Variants in PELI2 observed in about 807,000 individuals in gnomAD.
PELI2 encodes pellino E3 ubiquitin protein ligase family member 2.
A neutral mutation model predicts 42.3 loss-of-function variants in PELI2; 23 were observed. The ratio of observed to expected loss-of-function variants is 0.54; its 90% CI spans 0.39 to 0.77. The LOEUF is 0.77. Ranked by LOEUF, PELI2 falls within the 30% of genes least tolerant of loss-of-function variation. The pLI, the probability that PELI2 is intolerant of heterozygous loss-of-function variation, is 0.00. For missense variants in PELI2, 463 were observed against 553.2 expected, an observed-to-expected ratio of 0.84 and a Z score of 1.64; for synonymous variants, 245 against 212.2, an observed-to-expected ratio of 1.15 and a Z score of -1.34.
At chr14:56,125,280 G>A (rs1004636322) in intron 1 of PELI2, among the ~76,000 whole-genome samples, 1 of 152,118 alleles carries the variant, frequency 6.6e-6, no homozygotes, top group South Asian at 2.1e-4. Flanking sequence ...ACAGACAGCT[G>A]CCCTTCCTGC....
At chr14:56,135,868 A>G (rs1883671438) in intron 1 of PELI2, among the ~76,000 whole-genome samples, 1 of 152,232 alleles carries the variant, frequency 6.6e-6, no homozygotes, top group Non-Finnish European at 1.5e-5. Context: ...TTTTAGGTTA[A>G]CTGATGATTA....
Position 56,178,477 on chromosome 14 carries a change from G to A in PELI2, c.207+13G>A, listed in dbSNP as rs1472090634. 1 of 1,614,034 alleles carries A rather than the reference G, an allele frequency of 6.2e-7. No individual in the cohort carries two copies. The highest frequency in any genetic ancestry group is 1.7e-5 in the Admixed American group (1 of 60,018). The stretch of plus-strand genomic sequence containing the variant: ...CCAGGCATCCAAGGTAGGTGGGTCT[G>A]TCAAGAGTTGGGAGGGTGCTGGCAA... On this transcript the variant is annotated intron_variant, in intron 2 of 5. Coordinates refer to ENST00000267460, the MANE Select transcript of PELI2 (RefSeq NM_021255.3).
chr14:56,153,746 T>C (rs1884451077), intron 1 of PELI2, among the ~76,000 whole-genome samples: 1 of 152,220 alleles, frequency 6.6e-6, no homozygotes, highest in Non-Finnish European at 1.5e-5. Context: ...CCCAACTGTT[T>C]TGTATATTTA....
At chr14:56,266,680 T>A (rs1888917494) in intron 2 of PELI2, among the ~76,000 whole-genome samples, 1 of 152,020 alleles carries the variant, frequency 6.6e-6, no homozygotes, top group Non-Finnish European at 1.5e-5. Flanking sequence ...AGTTTGACAA[T>A]AACTATCAAT....
At chr14:56,251,620 T>C (rs1888347006) in intron 2 of PELI2, among the ~76,000 whole-genome samples, 1 of 152,204 alleles carries the variant, frequency 6.6e-6, no homozygotes, top group Non-Finnish European at 1.5e-5. Context: ...GAGCCCCTGT[T>C]TGATTCCACA....
chr14:56,215,372 C>T (rs974867138), intron 2 of PELI2, among the ~76,000 whole-genome samples: 6 of 152,136 alleles, frequency 3.9e-5, no homozygotes, highest in East Asian at 1.9e-4. Flanking sequence ...CAGGAAAGCC[C>T]GCCGGGGGAG....
At chr14:56,234,096 AAAC>A (rs1418559222) in intron 2 of PELI2, among the ~76,000 whole-genome samples, 3 of 152,184 alleles carry the variant, frequency 2.0e-5, no homozygotes, top group African/African-American at 7.2e-5. Context: ...AAAAGTCAGG[AAAC>A]AACAGGTGCT....
intron 2 of PELI2, among the ~76,000 whole-genome samples, chr14:56,211,243 C>T (rs773926195): frequency 1.4e-5 from 2 of 143,986 alleles, no homozygotes; most frequent in African/African-American, 4.9e-5. Context: ...CTGTGAATGC[C>T]CCAATTGCAC....
At position 56,159,096 on chromosome 14, in the gene PELI2, C is replaced by G. The variant is rs1884667466; in HGVS notation, c.78-19239C>G. Among the ~76,000 whole-genome samples, 3 of 152,310 alleles carry G rather than the reference C, an allele frequency of 2.0e-5. No homozygotes were observed. The South Asian group carries it at 6.2e-4, about 32-fold the overall frequency. On this transcript the variant is annotated intron_variant, in intron 1 of 5. Coordinates refer to ENST00000267460, the MANE Select transcript of PELI2 (RefSeq NM_021255.3). ...CAGTCTTTAGATACAGAGGAAGCTG[C>G]TTAAGTTAATTTGCATGTGAAACAC... is the stretch of plus-strand genomic sequence containing the variant.
intron 1 of PELI2, among the ~76,000 whole-genome samples, chr14:56,153,498 T>C (rs1193908690): frequency 6.6e-6 from 1 of 152,152 alleles, no homozygotes; most frequent in Non-Finnish European, 1.5e-5. Context: ...TAGGCATTGA[T>C]CCAAGACAAA....
intron 2 of PELI2, among the ~76,000 whole-genome samples, chr14:56,212,394 T>TA (rs1886742259): frequency 6.6e-6 from 1 of 152,224 alleles, no homozygotes; most frequent in Non-Finnish European, 1.5e-5. Context: ...CACTGAGCCT[T>TA]AGCCTCTGCT....
chr14:56,225,274 G>A (rs192982519), intron 2 of PELI2, among the ~76,000 whole-genome samples: 52 of 152,278 alleles, frequency 3.4e-4, no homozygotes, highest in African/African-American at 1.3e-3. Flanking sequence ...TAGGAGAGCA[G>A]TGTTGGAGCG....
intron 2 of PELI2, among the ~76,000 whole-genome samples, chr14:56,184,776 T>G (rs1331592892): frequency 2.6e-5 from 4 of 152,090 alleles, no homozygotes; most frequent in African/African-American, 7.2e-5. Flanking sequence ...AGACTTGGTT[T>G]GCCCATTGTT....
intron 1 of PELI2, among the ~76,000 whole-genome samples, chr14:56,124,174 A>G (rs576015635): frequency 1.7e-4 from 26 of 152,332 alleles, no homozygotes; most frequent in Middle Eastern, 3.4e-3. Flanking sequence ...AAAGTGCTTC[A>G]TATTTCTTAG....
At chr14:56,280,209 G>A (rs1889430748) in intron 3 of PELI2, among the ~76,000 whole-genome samples, 1 of 152,056 alleles carries the variant, frequency 6.6e-6, no homozygotes, top group Non-Finnish European at 1.5e-5. Context: ...TGCCTTACGT[G>A]CTTTCATTAT....
chr14:56,120,317 G>GTA (rs1883015335), intron 1 of PELI2, among the ~76,000 whole-genome samples: 2 of 152,176 alleles, frequency 1.3e-5, no homozygotes, highest in Admixed American at 6.5e-5. Context: ...GAAGATTAAC[G>GTA]TATGCCAGAA....
chr14:56,290,499 C>G, intron 5 of PELI2, 43 bp downstream of exon 5: 3 of 1,436,026 alleles, frequency 2.1e-6, no homozygotes, highest in Non-Finnish European at 2.9e-6. Context: ...CGAAACTACT[C>G]AAGCCTAACT....
At chr14:56,162,290 A>C (rs1276799247) in intron 1 of PELI2, among the ~76,000 whole-genome samples, 2 of 151,824 alleles carry the variant, frequency 1.3e-5, no homozygotes, top group Admixed American at 1.3e-4. Flanking sequence ...ACTGGTGACC[A>C]TCTTTCTACT....
At chr14:56,260,573 T>A (rs1409853427) in intron 2 of PELI2, among the ~76,000 whole-genome samples, 1 of 152,194 alleles carries the variant, frequency 6.6e-6, no homozygotes, top group Non-Finnish European at 1.5e-5. Context: ...TCTTCATTTG[T>A]CAAAACTCCT....
Sources: gnomAD v4.1 joint callset for allele counts (sites outside exome capture counted in the v4.1 genomes callset) on GRCh38, gnomAD v4.1.1 for gene constraint, MANE v1.5 for transcripts, NCBI Gene and HGNC (gene_info 2026-07-23, HGNC 2026-07-21) for gene names.